Variants in ST3GAL3 observed in about 807,000 individuals in gnomAD.
The protein encoded by ST3GAL3 is ST3 beta-galactoside alpha-2,3-sialyltransferase 3, also known as CMP-N-acetylneuraminate-beta-1,4-galactoside alpha-2,3-sialyltransferase.
In ST3GAL3, 21 loss-of-function variants were observed where a neutral mutation model predicts 50.1. The ratio of observed to expected loss-of-function variants is 0.42; its 90% CI spans 0.30 to 0.60. The LOEUF (loss-of-function observed/expected upper bound fraction) is 0.60. Ranked by LOEUF, ST3GAL3 falls within the 20% of genes least tolerant of loss-of-function variation. The pLI, the probability that ST3GAL3 is intolerant of heterozygous loss-of-function variation, is 0.19. For synonymous variants in ST3GAL3, 183 were observed against 190.0 expected (o/e 0.96, Z 0.30); for missense variants, 353 against 489.4 (o/e 0.72, Z 2.63).
chr1:43,899,884 A>G lies in ST3GAL3; in HGVS notation c.744+157A>G, dbSNP rs1286642356. On this transcript the variant is annotated intron_variant, in intron 9 of 11. Coordinates refer to ENST00000347631, the MANE Select transcript of ST3GAL3 (RefSeq NM_006279.5). The surrounding 1 kb of genome is among the most constrained non-coding windows in gnomAD (Gnocchi z 5.4). ...AATCACCCAATGGCAACCAGGGGGC[A>G]AAGAGGTCAGGAGATTGCCCGGGTT... Among the ~76,000 whole-genome samples, 1 of 152,176 alleles carries G rather than the reference A, an allele frequency of 6.6e-6. No homozygotes were observed. The highest frequency in any genetic ancestry group is 1.9e-4 in the East Asian group (1 of 5,190).
At chr1:43,903,430 C>T (rs538537403) in intron 9 of ST3GAL3, among the ~76,000 whole-genome samples, 4 of 152,318 alleles carry the variant, frequency 2.6e-5, no homozygotes, top group Admixed American at 6.5e-5. Context: ...CTTCCAACCC[C>T]GTTTGCTGCC....
chr1:43,831,835 T>C (rs2063586863), intron 4 of ST3GAL3: 1 of 152,190 alleles, frequency 6.6e-6, no homozygotes. Context: ...TCATTTGACA[T>C]TTTATAGTGT....
chr1:43,834,292 C>T (rs1277914118), intron 4 of ST3GAL3, among the ~76,000 whole-genome samples: 1 of 152,208 alleles, frequency 6.6e-6, no homozygotes, highest in Non-Finnish European at 1.5e-5. Context: ...AAACACTTTA[C>T]CCTGCTTCCC....
intron 5 of ST3GAL3, chr1:43,851,657 A>AG: frequency 7.7e-7 from 1 of 1,304,082 alleles, no homozygotes; most frequent in Non-Finnish European, 1.1e-6. Context: ...GCTGTCTTTG[A>AG]GGGGCTGCGC....
Position 43,899,208 on chromosome 1 carries a change from G to A in ST3GAL3, c.502G>A (p.Val168Ile), listed in dbSNP as rs758155830. The A allele has an allele frequency of 1.4e-5, 22 of 1,614,094 alleles. No individual in the cohort carries two copies. Among genetic ancestry groups the A allele is most frequent in the Middle Eastern group, 1.6e-4 (1 of 6,084 alleles). Residue 168 changes from valine to isoleucine, a missense_variant, in exon 8 of 12, where the codon GTT becomes ATT. Coordinates refer to ENST00000347631, the MANE Select transcript of ST3GAL3 (RefSeq NM_006279.5). This position sits in a 1 kb window ranked among gnomAD's most constrained non-coding sequence, Gnocchi z 5.4. ...RRCIIVGNGG[V>I]LANKSLGSRI... is the part of the protein sequence containing the mutation. ...CTGCATCATCGTGGGCAATGGAGGC[G>A]TTCTTGCCAACAAGTCTCTGGGGTC...
At chr1:43,797,157 G>A (rs1234038454) in intron 3 of ST3GAL3, among the ~76,000 whole-genome samples, 1 of 152,124 alleles carries the variant, frequency 6.6e-6, no homozygotes, top group Non-Finnish European at 1.5e-5. Context: ...CAGCCTAGGT[G>A]CACTCTGCAC....
intron 9 of ST3GAL3, among the ~76,000 whole-genome samples, chr1:43,901,261 C>T (rs765330286): frequency 4.6e-5 from 7 of 152,262 alleles, no homozygotes; most frequent in Non-Finnish European, 8.8e-5. Context: ...GCACCTGTCA[C>T]AGCCTCCCTC....
At chr1:43,921,947 C>T in intron 11 of ST3GAL3, 1 of 395,488 alleles carries the variant, frequency 2.5e-6, no homozygotes, top group Non-Finnish European at 4.5e-6. Flanking sequence ...CTCAGAAACA[C>T]TTTTCGTGTT....
intron 9 of ST3GAL3, among the ~76,000 whole-genome samples, chr1:43,909,966 A>G (rs1384212165): frequency 6.6e-6 from 1 of 152,232 alleles, no homozygotes; most frequent in African/African-American, 2.4e-5. Flanking sequence ...ATAATGTGTT[A>G]AATTATCCTA....
intron 2 of ST3GAL3, among the ~76,000 whole-genome samples, chr1:43,747,690 C>T (rs555658582): frequency 5.3e-5 from 8 of 151,234 alleles, no homozygotes; most frequent in East Asian, 2.0e-4. Flanking sequence ...AAGCAATTCT[C>T]CTGCCTCAGC....
intron 2 of ST3GAL3, among the ~76,000 whole-genome samples, chr1:43,790,927 C>T (rs2057999416): frequency 6.6e-6 from 1 of 152,134 alleles, no homozygotes; most frequent in Non-Finnish European, 1.5e-5. Flanking sequence ...TGAGCCACTG[C>T]ACCCGGCCGG....
intron 5 of ST3GAL3, chr1:43,842,367 A>C (rs2065533546): frequency 6.6e-6 from 1 of 152,170 alleles, no homozygotes; most frequent in Non-Finnish European, 1.5e-5. Context: ...CTACAAAAAA[A>C]AAATCTGAGC....
At chr1:43,771,731 TGTGTGTGTG>T (rs1310610843) in intron 2 of ST3GAL3, among the ~76,000 whole-genome samples, 1 of 10,586 alleles carries the variant, frequency 9.4e-5, no homozygotes, top group African/African-American at 2.1e-4. Flanking sequence ...TTAATAAAGT[TGTGTGTGTG>T]TGTGTGTGTG....
At chr1:43,853,816 A>G (rs929826251) in intron 5 of ST3GAL3, among the ~76,000 whole-genome samples, 5 of 152,168 alleles carry the variant, frequency 3.3e-5, no homozygotes, top group Non-Finnish European at 7.3e-5. Context: ...TGGCCCTTGA[A>G]ACTTTGCAGA....
intron 1 of ST3GAL3, among the ~76,000 whole-genome samples, chr1:43,721,356 G>A (rs562528790): frequency 7.0e-6 from 1 of 143,714 alleles, no homozygotes; most frequent in Non-Finnish European, 1.5e-5. Flanking sequence ...CCAGGCTGGA[G>A]TGCAATGGCA....
intron 1 of ST3GAL3, among the ~76,000 whole-genome samples, chr1:43,709,740 G>A (rs911898890): frequency 6.6e-6 from 1 of 151,956 alleles, no homozygotes; most frequent in South Asian, 2.1e-4. Flanking sequence ...CCAGCTGCTC[G>A]GGAGGCTGAG....
At chr1:43,840,639 G>T (rs2065222879) in intron 5 of ST3GAL3, 1 of 152,100 alleles carries the variant, frequency 6.6e-6, no homozygotes, top group Non-Finnish European at 1.5e-5. Context: ...GCTGGTTTTT[G>T]TGGCTTGTGG....
intron 9 of ST3GAL3, chr1:43,914,538 G>C (rs1341497783): frequency 6.6e-6 from 1 of 152,198 alleles, no homozygotes; most frequent in Non-Finnish European, 1.5e-5. Flanking sequence ...CCACTTGCAG[G>C]CTGCTTGACC....
At chr1:43,837,563 C>G (rs1002692267) in intron 4 of ST3GAL3, among the ~76,000 whole-genome samples, 4 of 152,284 alleles carry the variant, frequency 2.6e-5, no homozygotes, top group East Asian at 1.9e-4. Context: ...GCCAGGGGCT[C>G]TGAGTATCAA....
Sources: gnomAD v4.1 joint callset for allele counts (sites outside exome capture counted in the v4.1 genomes callset) on GRCh38, gnomAD v4.1.1 for gene constraint, Gnocchi (gnomAD v3.1) non-coding constraint, MANE v1.5 for transcripts, NCBI Gene and HGNC (gene_info 2026-07-23, HGNC 2026-07-21) for gene names.